Variants in IRAG2 observed in about 807,000 individuals in gnomAD.
IRAG2 encodes the protein inositol 1,4,5-triphosphate receptor associated 2.
Under a neutral mutation model 69.9 loss-of-function variants are expected in IRAG2, and 45 were observed. That is an observed-to-expected ratio of 0.64 (90% CI 0.51 to 0.83). IRAG2 has a LOEUF of 0.83. Among genes scored for constraint, IRAG2 ranks in the 40% least tolerant of loss-of-function variants. The pLI is 0.00. For missense variants in IRAG2, 520 were observed against 587.0 expected (o/e 0.89, Z 1.18); for synonymous variants, 193 against 202.4 (o/e 0.95, Z 0.40).
chr12:25,017,281 T>A lies in IRAG2; in HGVS notation c.1203T>A (p.Leu401=), dbSNP rs1944537983. The A allele has an allele frequency of 7.3e-6, 9 of 1,232,016 alleles. No homozygotes were observed. The South Asian group carries it at 3.7e-4, about 51-fold the overall frequency. 76.3% of individuals were successfully genotyped at this position (1,232,016 alleles called of 1,614,324 possible). Residue 401 remains leucine (L), a synonymous_variant, in exon 6 of 39, where the codon CTT becomes CTA. Transcript: ENST00000636465. ...CAGAGGACTGTACCGAATTGCGCCT[T>A]CAGGTAAAAAGGTGAGCCACAGTGG...
chr12:25,010,067 A>G (rs989721735), intron 2 of IRAG2, among the ~76,000 whole-genome samples: 2 of 152,236 alleles, frequency 1.3e-5, no homozygotes, highest in African/African-American at 2.4e-5. Flanking sequence ...TAACCATTAC[A>G]GGAGGCCTTT....
chr12:25,039,588 G>A (rs531597263), intron 16 of IRAG2, among the ~76,000 whole-genome samples: 53 of 152,130 alleles, frequency 3.5e-4, no homozygotes, highest in Admixed American at 3.0e-3. Flanking sequence ...CCGCCACCAC[G>A]CCCAGCTAAT....
At chr12:25,087,500 A>G (rs1004989116) in intron 10 of IRAG2, among the ~76,000 whole-genome samples, 3 of 152,054 alleles carry the variant, frequency 2.0e-5, no homozygotes, top group African/African-American at 2.4e-5. Context: ...TTGTTTATCT[A>G]TCTCATTTAT....
At chr12:25,053,162 T>G (rs577511756) in intron 1 of IRAG2, among the ~76,000 whole-genome samples, 1 of 152,122 alleles carries the variant, frequency 6.6e-6, no homozygotes, top group African/African-American at 2.4e-5. Context: ...TAACTTCCCT[T>G]TTTGCCTTTT....
intron 9 of IRAG2, among the ~76,000 whole-genome samples, chr12:25,029,654 A>G (rs1944653440): frequency 6.7e-6 from 1 of 150,350 alleles, no homozygotes; most frequent in Non-Finnish European, 1.5e-5. Flanking sequence ...AATCTTAAGC[A>G]TTGTTACAAT....
intron 15 of IRAG2, 132 bp from the exon 16 acceptor site, chr12:25,101,044 CTT>C: frequency 1.6e-6 from 1 of 609,828 alleles, no homozygotes. Context: ...AGATGCATGT[CTT>C]TTTAAAAAAA....
Position 25,043,462 on chromosome 12 carries a change from G to A in IRAG2, c.2144+5325G>A, listed in dbSNP as rs141246192. 1.4e-3 allele frequency among the ~76,000 whole-genome samples: 206 copies of A among 152,228 alleles called. 3 individuals are homozygous for A. The highest frequency in any genetic ancestry group is 8.9e-3 in the East Asian group (46 of 5,186). ...AGGTAGTTTGAACTAGCATGCATGC[G>A]CTTGCTGGAGCCCCTACTCCCAGCT... On this transcript the variant is annotated intron_variant, in intron 16 of 38. Transcript: ENST00000636465.
rs1303508817 is a variant in IRAG2, at chr12:25,024,497, G to A, written c.1383+576G>A. Among the ~76,000 whole-genome samples, 3 of 152,284 alleles carry A rather than the reference G, an allele frequency of 2.0e-5. No homozygotes were observed. In the East Asian group the frequency reaches 5.8e-4, roughly 29 times the overall value. On this transcript the variant is annotated intron_variant, in intron 8 of 38. Coordinates refer to the IRAG2 transcript ENST00000636465. Reference sequence around the variant, plus strand: ...TTAAAGCAACAAAATTGAAGCATTGGAAGAACAGGGAACAAGCTACTAGCA... The same window carrying A: ...TTAAAGCAACAAAATTGAAGCATTGAAAGAACAGGGAACAAGCTACTAGCA...
intron 6 of IRAG2, among the ~76,000 whole-genome samples, chr12:25,017,582 G>A (rs947845112): frequency 2.0e-5 from 3 of 152,210 alleles, no homozygotes; most frequent in Admixed American, 6.5e-5. Flanking sequence ...GCTGGGCATG[G>A]TGGCACGAGC....
exon 1 of IRAG2, chr12:25,004,630 C>G: frequency 8.1e-7 from 1 of 1,232,080 alleles, no homozygotes. Context: ...TCCAAGAACC[C>G]CATCCACCTC....
chr12:25,054,282 A>C (rs1355702649), intron 1 of IRAG2, among the ~76,000 whole-genome samples: 1 of 152,150 alleles, frequency 6.6e-6, no homozygotes, highest in Non-Finnish European at 1.5e-5. Flanking sequence ...TGTGATTAGA[A>C]CTGTTCATGT....
chr12:25,063,768 C>T lies in IRAG2; in HGVS notation c.-255C>T. ...TGGTGGTCAAGAAGCAAGAATACAT[C>T]AGACACCCCTGACCTTGAAACATAC... On this transcript the variant is annotated 5_prime_UTR_variant, in exon 4 of 22. Coordinates refer to ENST00000556887, the MANE Select transcript of IRAG2 (RefSeq NM_001366544.2). 2.5e-6 allele frequency: 1 copy of T among 399,058 alleles called. No homozygotes were observed. The highest frequency in any genetic ancestry group is 4.4e-6 in the Non-Finnish European group (1 of 226,062). 24.7% of individuals were successfully genotyped at this position (399,058 alleles called of 1,614,324 possible).
intron 14 of IRAG2, among the ~76,000 whole-genome samples, chr12:25,094,789 A>G (rs1948314622): frequency 6.6e-6 from 1 of 151,756 alleles, no homozygotes; most frequent in East Asian, 1.9e-4. Flanking sequence ...CATCTCTTTT[A>G]TCTCCTTTGT....
rs530849217 is a variant in IRAG2 at position 25,028,502 on chromosome 12, T to G, written c.1461+1636T>G. 2.0e-5 allele frequency among the ~76,000 whole-genome samples: 3 copies of G among 152,308 alleles called. No homozygotes were observed. In the South Asian group the frequency reaches 6.2e-4, roughly 32 times the overall value. On this transcript the variant is annotated intron_variant, in intron 9 of 38. Coordinates refer to the IRAG2 transcript ENST00000636465. ...AACCTGAGATAATGTACCTTCTTAA[T>G]GCTAAAAATGAGGAGAGATGGGAAA...
chr12:25,081,776 A>G (rs1395655044), intron 9 of IRAG2, among the ~76,000 whole-genome samples: 1 of 152,218 alleles, frequency 6.6e-6, no homozygotes, highest in Non-Finnish European at 1.5e-5. Context: ...CAGGCATAAA[A>G]CATAAATAAG....
chr12:25,068,918 A>G (rs1946156809), intron 5 of IRAG2, among the ~76,000 whole-genome samples: 1 of 152,020 alleles, frequency 6.6e-6, no homozygotes, highest in South Asian at 2.1e-4. Flanking sequence ...TTTCTTTCAC[A>G]CTCAAGGTTA....
At chr12:25,077,255 T>A (rs11047817) in intron 6 of IRAG2, among the ~76,000 whole-genome samples, 4,628 of 32,562 alleles carry the variant, frequency 0.14, 892 homozygotes, top group East Asian at 0.36. Flanking sequence ...ATATATATGA[T>A]ATATATATGA....
At position 25,104,345 on chromosome 12, in the gene IRAG2, A is replaced by T. The variant is rs1408152800; in HGVS notation, c.1047-16A>T. The T allele has an allele frequency of 2.0e-6, 3 of 1,518,654 alleles. No homozygotes were observed. The South Asian group carries it at 3.4e-5, about 17-fold the overall frequency. The allele number at this position is 1,518,654 out of a possible 1,614,324, so 94.1% of individuals were successfully genotyped here. ...TGTATTTGATTTGACAAGTGGCTAT[A>T]ATCATCTTTATTTAGGCGTATTTTG... On this transcript the variant is annotated splice_polypyrimidine_tract_variant and intron_variant, in intron 19 of 21. Coordinates refer to ENST00000556887, the MANE Select transcript of IRAG2 (RefSeq NM_001366544.2).
chr12:25,015,223 C>G (rs1591924931), exon 4 of IRAG2: 1 of 1,065,706 alleles, frequency 9.4e-7, no homozygotes. Context: ...ATCGATGATT[C>G]TGTTTGTGAA....
Sources: allele counts gnomAD v4.1 joint callset (sites outside exome capture counted in the v4.1 genomes callset), GRCh38; gene constraint gnomAD v4.1.1; transcripts MANE v1.5; gene names NCBI Gene and HGNC (gene_info 2026-07-23, HGNC 2026-07-21).